The following GRIK2 variants were observed in gnomAD, a reference collection of about 807,000 sequenced individuals.
The protein encoded by GRIK2 is glutamate receptor ionotropic, kainate 2.
Under a neutral mutation model 100.3 loss-of-function variants are expected in GRIK2, and 32 were observed. The observed-to-expected ratio is 0.32, with a 90% CI of 0.24 to 0.43. The LOEUF (loss-of-function observed/expected upper bound fraction) is 0.43. Among genes scored for constraint, GRIK2 ranks in the 20% least tolerant of loss-of-function variants. The pLI, the probability that GRIK2 is intolerant of heterozygous loss-of-function variation, is 1.00. For missense variants in GRIK2, 843 were observed against 1,114.9 expected (o/e 0.76, Z 3.47); for synonymous variants, 417 against 389.4 (o/e 1.07, Z -0.83).
intron 12 of GRIK2, among the ~76,000 whole-genome samples, chr6:101,892,104 TA>T (rs1349632108): frequency 2.0e-5 from 3 of 152,072 alleles, no homozygotes; most frequent in Non-Finnish European, 4.4e-5. Context: ...AGGATAGAAA[TA>T]AAGCCTAGAC....
At chr6:101,582,738 C>T (rs1357657686) in intron 2 of GRIK2, among the ~76,000 whole-genome samples, 2 of 152,142 alleles carry the variant, frequency 1.3e-5, no homozygotes, top group Non-Finnish European at 1.5e-5. Context: ...ATGAAATACA[C>T]ACATAAAGGG....
At chr6:101,861,714 T>G (rs1166172108) in intron 11 of GRIK2, among the ~76,000 whole-genome samples, 3 of 152,312 alleles carry the variant, frequency 2.0e-5, no homozygotes, top group Admixed American at 6.5e-5. Context: ...AAAACATTTT[T>G]GGACCTTCTT....
chr6:101,833,593 A>C (rs1291838199), intron 10 of GRIK2, among the ~76,000 whole-genome samples: 3 of 152,160 alleles, frequency 2.0e-5, no homozygotes, highest in Admixed American at 1.3e-4. Flanking sequence ...CTTTTTCAAT[A>C]AATTATTTTT....
intron 7 of GRIK2, among the ~76,000 whole-genome samples, chr6:101,758,040 A>C (rs1777243688): frequency 6.6e-6 from 1 of 152,072 alleles, no homozygotes; most frequent in African/African-American, 2.4e-5. Flanking sequence ...ACCAGCATGG[A>C]CAACATGGTG....
At chr6:101,787,446 C>A (rs895654380) in intron 7 of GRIK2, among the ~76,000 whole-genome samples, 3 of 151,972 alleles carry the variant, frequency 2.0e-5, no homozygotes, top group Non-Finnish European at 4.4e-5. Flanking sequence ...TTGCTATAAA[C>A]TTCCCTCTTA....
At chr6:102,031,920 T>G (rs1770021787) in intron 14 of GRIK2, among the ~76,000 whole-genome samples, 1 of 151,330 alleles carries the variant, frequency 6.6e-6, no homozygotes, top group Non-Finnish European at 1.5e-5. Context: ...AAGGAAGACT[T>G]TTCTATTCCA....
intron 14 of GRIK2, among the ~76,000 whole-genome samples, chr6:102,012,841 T>G (rs13201327): frequency 0.28 from 41,940 of 151,926 alleles, 6,155 homozygotes; most frequent in East Asian, 0.34. Context: ...ACTGTAGCCT[T>G]GTAGTATAGT....
chr6:101,940,478 T>G (rs1399270759), intron 14 of GRIK2, among the ~76,000 whole-genome samples: 1 of 152,164 alleles, frequency 6.6e-6, no homozygotes, highest in Non-Finnish European at 1.5e-5. Flanking sequence ...TTATTATTAT[T>G]ATTTTTTCTG....
chr6:101,546,679 A>T (rs1582686570), intron 2 of GRIK2, among the ~76,000 whole-genome samples: 1 of 152,266 alleles, frequency 6.6e-6, no homozygotes. Flanking sequence ...ACATATTCCA[A>T]GTGCTACCTA....
chr6:101,914,182 G>A (rs2791780), intron 12 of GRIK2, among the ~76,000 whole-genome samples: 128,524 of 151,176 alleles, frequency 0.85, 54,761 homozygotes, highest in East Asian at 0.94. Context: ...CTTTGGTGAT[G>A]TACTAGATGT....
chr6:101,998,728 A>T (rs1027967740), intron 14 of GRIK2, among the ~76,000 whole-genome samples: 1 of 151,946 alleles, frequency 6.6e-6, no homozygotes, highest in Non-Finnish European at 1.5e-5. Context: ...TATTTTGAAA[A>T]GATTATCCTT....
intron 12 of GRIK2, among the ~76,000 whole-genome samples, chr6:101,911,725 C>A (rs1261888149): frequency 6.6e-6 from 1 of 151,240 alleles, no homozygotes; most frequent in East Asian, 1.9e-4. Flanking sequence ...CTACGTAAAA[C>A]AACATTCAAA....
At chr6:101,534,424 A>G (rs1271324936) in intron 2 of GRIK2, among the ~76,000 whole-genome samples, 1 of 151,916 alleles carries the variant, frequency 6.6e-6, no homozygotes, top group Non-Finnish European at 1.5e-5. Flanking sequence ...TTACCCACAG[A>G]ATATTATGTC....
At chr6:101,949,104 T>G (rs1791455313) in intron 14 of GRIK2, among the ~76,000 whole-genome samples, 4 of 152,144 alleles carry the variant, frequency 2.6e-5, no homozygotes, top group Admixed American at 2.6e-4. Context: ...ATAAAAATAA[T>G]GTATATGTTC....
At chr6:101,530,168 A>G (rs1360882531) in intron 2 of GRIK2, among the ~76,000 whole-genome samples, 1 of 152,068 alleles carries the variant, frequency 6.6e-6, no homozygotes, top group Non-Finnish European at 1.5e-5. Flanking sequence ...TAACTGCAAC[A>G]TGCTGGTGCA....
chr6:101,458,498 C>T (rs1311008414), intron 2 of GRIK2, among the ~76,000 whole-genome samples: 6 of 152,226 alleles, frequency 3.9e-5, no homozygotes, highest in Non-Finnish European at 7.3e-5. Flanking sequence ...TCCCAGCCTC[C>T]TGCAGTGCAG....
chr6:101,915,149 T>G (rs2128467063), intron 12 of GRIK2, among the ~76,000 whole-genome samples: 1 of 151,576 alleles, frequency 6.6e-6, no homozygotes, highest in African/African-American at 2.4e-5. Flanking sequence ...GACTCAAAAC[T>G]AATGCACACA....
At chr6:101,839,940 T>C (rs1430453723) in intron 10 of GRIK2, among the ~76,000 whole-genome samples, 9 of 152,134 alleles carry the variant, frequency 5.9e-5, no homozygotes, top group Admixed American at 5.9e-4. Flanking sequence ...CAGTTAGATA[T>C]GTAATTCCAG....
chr6:101,925,637 T>C lies in GRIK2; in HGVS notation c.1867+918T>C, dbSNP rs180719953. Among the ~76,000 whole-genome samples, 44 of 152,056 alleles carry C rather than the reference T, an allele frequency of 2.9e-4. No homozygotes were observed. The East Asian group carries it at 8.5e-3, about 29-fold the overall frequency. ...CAAAAAAATCCCAAATTTGAAAAACTGACAGTAAAGGAAGAAAAAAAAACA... is the reference window on the plus strand; with the variant it reads ...CAAAAAAATCCCAAATTTGAAAAACCGACAGTAAAGGAAGAAAAAAAAACA... On this transcript the variant is annotated intron_variant, in intron 13 of 16. Transcript: ENST00000369134.
Sources: gnomAD v4.1 joint callset for allele counts (sites outside exome capture counted in the v4.1 genomes callset) on GRCh38, gnomAD v4.1.1 for gene constraint, MANE v1.5 for transcripts, NCBI Gene and HGNC (gene_info 2026-07-23, HGNC 2026-07-21) for gene names.